SLX4IP: variants seen among roughly 807,000 people sequenced by gnomAD.
The protein encoded by SLX4IP is protein SLX4IP.
A neutral mutation model predicts 32.9 loss-of-function variants in SLX4IP; 34 were observed. The observed-to-expected ratio is 1.03, with a 90% confidence interval of 0.79 to 1.38. The LOEUF (loss-of-function observed/expected upper bound fraction) is 1.38, where lower values mean the gene tolerates loss of function less well. Ranked by LOEUF, SLX4IP falls within the 40% of genes most tolerant of loss-of-function variation. The probability of loss-of-function intolerance (pLI) is 0.00; values close to 1 mark genes in which losing one functional copy is unlikely to be tolerated. For synonymous variants in SLX4IP, 172 were observed against 171.7 expected, an observed-to-expected ratio of 1.00 and a Z score of -0.01; for missense variants, 444 against 479.0, an observed-to-expected ratio of 0.93 and a Z score of 0.68.
In SLX4IP at chr20:10,622,859, C is replaced by G; in HGVS notation, c.707C>G (p.Pro236Arg). 6.2e-7 allele frequency: 1 copy of G among 1,614,066 alleles called. No homozygotes were observed. The highest frequency in any genetic ancestry group is 8.5e-7 in the Non-Finnish European group (1 of 1,180,018). The change falls in exon 8 of 8, where the codon CCT becomes CGT. Residue 236 changes from proline (P) to arginine (R), a missense_variant. Coordinates refer to ENST00000334534, the MANE Select transcript of SLX4IP (RefSeq NM_001009608.3). The part of the protein sequence containing the change: ...IKAAESHWGL[P>R]VQKLEKVNQT... ...GCAGCTGAGAGCCACTGGGGGCTTC[C>G]TGTTCAAAAGCTGGAAAAAGTTAAT...
At chr20:10,541,993 G>T (rs775211878) in intron 2 of SLX4IP, among the ~76,000 whole-genome samples, 41 of 152,130 alleles carry the variant, frequency 2.7e-4, no homozygotes, top group Non-Finnish European at 5.0e-4. Context: ...GATTTTTGGG[G>T]TCTATAAGCC....
chr20:10,471,987 C>A (rs1352291148), intron 2 of SLX4IP, among the ~76,000 whole-genome samples: 1 of 152,100 alleles, frequency 6.6e-6, no homozygotes, highest in Non-Finnish European at 1.5e-5. Flanking sequence ...GGAACTGGCA[C>A]ACTATTATTT....
intron 2 of SLX4IP, among the ~76,000 whole-genome samples, chr20:10,525,296 C>G (rs1415545562): frequency 6.6e-6 from 1 of 152,138 alleles, no homozygotes; most frequent in Non-Finnish European, 1.5e-5. Context: ...GAAGACACCT[C>G]TTTTTACCTG....
Position 10,621,401 on chromosome 20 carries a change from G to A in SLX4IP, c.493G>A (p.Ala165Thr), listed in dbSNP as rs546254905. The A allele has an allele frequency of 1.2e-6, 2 of 1,614,118 alleles. No individual in the cohort carries two copies. Among genetic ancestry groups the A allele is most frequent in the African/African-American group, 1.3e-5 (1 of 75,042 alleles). Residue 165 changes from alanine to threonine, a missense_variant, in exon 7 of 8, where the codon GCT becomes ACT. Physicochemically the swap from Ala to Thr is moderately conservative, Grantham distance 58 (BLOSUM62 0). Transcript: ENST00000334534. ...TCCCAGTGCAAAGCTCCGGAGAAAT[G>A]CTCTGAAAGAAATGTAGGTGCAATG... ...LPPSAKLRRNALKEIVKRTET... is the reference protein window; with the variant it reads ...LPPSAKLRRNTLKEIVKRTET...
At chr20:10,598,853 C>G in intron 5 of SLX4IP, 101 bp downstream of exon 5, 1 of 1,142,718 alleles carries the variant, frequency 8.8e-7, no homozygotes, top group Admixed American at 1.8e-5. Flanking sequence ...CCACTTGCTT[C>G]ATTGCCTTCA....
chr20:10,556,079 T>C, intron 2 of SLX4IP, 152 bp from the exon 3 acceptor site: 1 of 607,036 alleles, frequency 1.6e-6, no homozygotes, highest in Non-Finnish European at 2.8e-6. Flanking sequence ...GATTATGACC[T>C]GTAACCATGT....
At chr20:10,450,677 C>T (rs4337539) in intron 1 of SLX4IP, among the ~76,000 whole-genome samples, 74,622 of 152,108 alleles carry the variant, frequency 0.49, 19,775 homozygotes, top group Non-Finnish European at 0.6. Context: ...AAAATTAAAA[C>T]CAAAGGGTAC....
chr20:10,507,951 A>G (rs1840834831), intron 2 of SLX4IP, among the ~76,000 whole-genome samples: 1 of 151,458 alleles, frequency 6.6e-6, no homozygotes, highest in East Asian at 1.9e-4. Context: ...ATATATACAC[A>G]TATGTGTATA....
At chr20:10,480,148 T>C (rs1329814299) in intron 2 of SLX4IP, among the ~76,000 whole-genome samples, 1 of 152,036 alleles carries the variant, frequency 6.6e-6, no homozygotes, top group African/African-American at 2.4e-5. Flanking sequence ...AATCCCAGCA[T>C]TTGGGGGGCT....
rs1303605107 is a variant in SLX4IP at position 10,441,725 on chromosome 20, G to GTT, written c.-30+6276_-30+6277dup. Among the ~76,000 whole-genome samples the GTT allele has an allele frequency of 1.7e-3, 186 of 109,930 alleles. 3 individuals are homozygous for GTT. Among genetic ancestry groups the GTT allele is most frequent in the Non-Finnish European group, 1.7e-3 (74 of 43,686 alleles). The allele number at this position is 109,930 out of a possible 152,430, so 72.1% of individuals were successfully genotyped here. A position where few individuals can be genotyped will look rare whatever the true frequency, so the allele number is the denominator to read the frequency against. ...TTCCAGTGTTGAATCTGACGTGTTTGTTTTTGTTTTTTTTTTTATAAGTAA... is the reference window on the plus strand; with the variant it reads ...TTCCAGTGTTGAATCTGACGTGTTTGTTTTTTTGTTTTTTTTTTTATAAGTAA... On this transcript the variant is annotated intron_variant, in intron 1 of 7. Transcript: ENST00000334534.
chr20:10,578,739 A>G (rs1046329029), intron 4 of SLX4IP, among the ~76,000 whole-genome samples: 4 of 152,022 alleles, frequency 2.6e-5, no homozygotes, highest in African/African-American at 9.7e-5. Context: ...CCTTAGCCAC[A>G]CCTGTTTGTC....
At chr20:10,588,218 C>T (rs1265676659) in intron 4 of SLX4IP, among the ~76,000 whole-genome samples, 8 of 151,870 alleles carry the variant, frequency 5.3e-5, no homozygotes, top group South Asian at 2.1e-4. Flanking sequence ...AGATATTTTC[C>T]CAAAGAAAAC....
intron 7 of SLX4IP, among the ~76,000 whole-genome samples, 188 bp downstream of exon 7, chr20:10,621,602 G>C (rs1164112086): frequency 1.3e-5 from 2 of 152,080 alleles, no homozygotes; most frequent in Non-Finnish European, 1.5e-5. Flanking sequence ...TTGCTTCACA[G>C]GTGTGTTGCA....
chr20:10,514,203 G>A (rs765358148), intron 2 of SLX4IP, among the ~76,000 whole-genome samples: 127 of 152,236 alleles, frequency 8.3e-4, no homozygotes, highest in African/African-American at 1.4e-3. Context: ...GTGGGAAACC[G>A]GTGAATATGC....
chr20:10,600,731 A>C (rs1366727952), intron 5 of SLX4IP, among the ~76,000 whole-genome samples: 1 of 152,226 alleles, frequency 6.6e-6, no homozygotes, highest in Non-Finnish European at 1.5e-5. Flanking sequence ...CTGATTCATA[A>C]TATCCATCTT....
chr20:10,487,438 A>G (rs939809569), intron 2 of SLX4IP, among the ~76,000 whole-genome samples: 4 of 152,238 alleles, frequency 2.6e-5, no homozygotes, highest in South Asian at 2.1e-4. Context: ...TAGTGAGACA[A>G]TATGACAATT....
At chr20:10,478,014 T>G (rs2065489930) in intron 2 of SLX4IP, among the ~76,000 whole-genome samples, 1 of 151,464 alleles carries the variant, frequency 6.6e-6, no homozygotes, top group Admixed American at 6.6e-5. Flanking sequence ...TTCTCCTGCC[T>G]CAGCCTCCAG....
At chr20:10,522,270 G>A (rs1372896659) in intron 2 of SLX4IP, among the ~76,000 whole-genome samples, 1 of 152,062 alleles carries the variant, frequency 6.6e-6, no homozygotes, top group Admixed American at 6.6e-5. Context: ...TTTTTTGGGG[G>A]GATCTTAGCT....
At chr20:10,594,742 G>GT (rs902767746) in intron 4 of SLX4IP, among the ~76,000 whole-genome samples, 6 of 152,076 alleles carry the variant, frequency 3.9e-5, no homozygotes, top group Non-Finnish European at 8.8e-5. Context: ...TCATATTTGA[G>GT]TTTTTTTGTC....
Sources: allele counts gnomAD v4.1 joint callset (sites outside exome capture counted in the v4.1 genomes callset), GRCh38; gene constraint gnomAD v4.1.1; transcripts MANE v1.5; gene names NCBI Gene and HGNC (gene_info 2026-07-23, HGNC 2026-07-21).